The following ST18 variants were observed in gnomAD, a reference collection of about 807,000 sequenced individuals.
The protein encoded by ST18 is suppression of tumorigenicity 18 protein.
ST18 carries 50 observed loss-of-function variants against 110.0 expected under a neutral mutation model. The ratio of observed to expected loss-of-function variants is 0.45; its 90% CI spans 0.36 to 0.58. ST18 has a LOEUF of 0.58. Among genes scored for constraint, ST18 ranks in the 20% least tolerant of loss-of-function variants. The pLI is 0.00. For synonymous variants in ST18, 461 were observed against 452.4 expected, an observed-to-expected ratio of 1.02 and a Z score of -0.24; for missense variants, 1,306 against 1,280.1, an observed-to-expected ratio of 1.02 and a Z score of -0.31.
At chr8:52,194,824 T>A (rs547505879) in intron 8 of ST18, 4 of 152,154 alleles carry the variant, frequency 2.6e-5, no homozygotes, top group Non-Finnish European at 5.9e-5. Context: ...AACTGATCAG[T>A]TCCAAAGTCT....
intron 8 of ST18, among the ~76,000 whole-genome samples, chr8:52,187,845 C>T (rs1304517448): frequency 6.6e-6 from 1 of 152,120 alleles, no homozygotes; most frequent in Non-Finnish European, 1.5e-5. Context: ...CATTTCTATA[C>T]CACATTTCTA....
At chr8:52,142,237 A>G (rs1459516714) in intron 17 of ST18, among the ~76,000 whole-genome samples, 4 of 152,134 alleles carry the variant, frequency 2.6e-5, no homozygotes, top group Non-Finnish European at 5.9e-5. Flanking sequence ...TGGAAAAGGA[A>G]GGGGAGACAG....
chr8:52,254,624 T>C (rs150242598), intron 2 of ST18, among the ~76,000 whole-genome samples: 11 of 152,260 alleles, frequency 7.2e-5, no homozygotes, highest in Non-Finnish European at 1.6e-4. Flanking sequence ...CCAGGGATGA[T>C]AACAATGGCT....
chr8:52,282,719 T>TGGGGTGAGTCATCGGG (rs1490012636), intron 2 of ST18, among the ~76,000 whole-genome samples: 38 of 151,988 alleles, frequency 2.5e-4, no homozygotes, highest in South Asian at 1.0e-3. Flanking sequence ...GCAGTGCCGC[T>TGGGGTGAGTCATCGGG]GGGGTGAGTC....
rs149682474 is a variant in ST18 at position 52,335,706 on chromosome 8, G to T, written c.-465+73622C>A. On this transcript the variant is annotated intron_variant, in intron 2 of 25. Transcript: ENST00000689386. ...GGATTTTGGAGGATTTCAGATTTCA[G>T]ATTTTTGCATTAGGGATGCTCAACC... Among the ~76,000 whole-genome samples the T allele has an allele frequency of 3.5e-3, 538 of 152,274 alleles. 2 individuals are homozygous for T. Among genetic ancestry groups the T allele is most frequent in the African/African-American group, 0.012 (507 of 41,560 alleles).
At chr8:52,384,929 G>A (rs1168736097) in intron 2 of ST18, among the ~76,000 whole-genome samples, 1 of 152,090 alleles carries the variant, frequency 6.6e-6, no homozygotes, top group African/African-American at 2.4e-5. Flanking sequence ...TACTGTTGGA[G>A]GATATGAAAG....
At chr8:52,221,330 G>C (rs574300278) in intron 4 of ST18, among the ~76,000 whole-genome samples, 1 of 152,126 alleles carries the variant, frequency 6.6e-6, no homozygotes, top group Non-Finnish European at 1.5e-5. Context: ...TCTTTTTAAC[G>C]AGACCATCAT....
At chr8:52,367,236 T>TCTCACACACACACACACACACA (rs1554851169) in intron 2 of ST18, among the ~76,000 whole-genome samples, 3 of 120,190 alleles carry the variant, frequency 2.5e-5, no homozygotes, top group African/African-American at 6.1e-5. Flanking sequence ...GGACCCTGTC[T>TCTCACACACACACACACACACA]CACACACACA....
In ST18 at chr8:52,247,975, C is replaced by T. The variant is rs550691762; in HGVS notation, c.-464-17898G>A. On this transcript the variant is annotated intron_variant, in intron 2 of 25. Coordinates refer to ENST00000689386, the MANE Select transcript of ST18 (RefSeq NM_001352837.2). Reference sequence around the variant, plus strand: ...CTTAGAGTTGGTAATATACAACATACATTACATTCTCTACAGACACACATA... The same window carrying T: ...CTTAGAGTTGGTAATATACAACATATATTACATTCTCTACAGACACACATA... 1.3e-3 allele frequency among the ~76,000 whole-genome samples: 201 copies of T among 152,214 alleles called. 3 individuals carry two copies. Among genetic ancestry groups the T allele is most frequent in the Non-Finnish European group, 1.9e-3 (129 of 68,008 alleles).
chr8:52,311,921 A>T (rs767598259), intron 2 of ST18, among the ~76,000 whole-genome samples: 2 of 152,174 alleles, frequency 1.3e-5, no homozygotes, highest in African/African-American at 2.4e-5. Context: ...AGAAATATGA[A>T]ACCACTGGAC....
intron 2 of ST18, among the ~76,000 whole-genome samples, chr8:52,362,022 T>G (rs547791978): frequency 1.6e-4 from 25 of 152,342 alleles, no homozygotes; most frequent in African/African-American, 5.8e-4. Context: ...GAACCTATAT[T>G]CTAGTTCAAA....
chr8:52,330,801 G>T (rs1255424943), intron 2 of ST18, among the ~76,000 whole-genome samples: 1 of 152,214 alleles, frequency 6.6e-6, no homozygotes, highest in Admixed American at 6.5e-5. Flanking sequence ...GGACAAGCTA[G>T]AAACGGGCTC....
At position 52,287,646 on chromosome 8, in the gene ST18, G is replaced by C. The variant is rs1201994180; in HGVS notation, c.-464-57569C>G. ...CTCAAGGCTATGCAGAGTGTAAACTGTGTGTACCAACAACCAAGTAACCCC... is the reference window on the plus strand; with the variant it reads ...CTCAAGGCTATGCAGAGTGTAAACTCTGTGTACCAACAACCAAGTAACCCC... On this transcript the variant is annotated intron_variant, in intron 2 of 25. Coordinates refer to ENST00000689386, the MANE Select transcript of ST18 (RefSeq NM_001352837.2). 3.3e-5 allele frequency among the ~76,000 whole-genome samples: 5 copies of C among 152,204 alleles called. No homozygotes were observed. The East Asian group carries it at 9.6e-4, about 29-fold the overall frequency.
At position 52,289,455 on chromosome 8, in the gene ST18, A is replaced by G. The variant is rs555441962; in HGVS notation, c.-464-59378T>C. 3.3e-5 allele frequency among the ~76,000 whole-genome samples: 5 copies of G among 152,234 alleles called. No homozygotes were observed. The South Asian group carries it at 1.0e-3, about 32-fold the overall frequency. ...GGGACAGATCAGGACTCTGTCTCAAAACAAAAAACAAAAAACAACAACAAC... is the reference window on the plus strand; with the variant it reads ...GGGACAGATCAGGACTCTGTCTCAAGACAAAAAACAAAAAACAACAACAAC... On this transcript the variant is annotated intron_variant, in intron 2 of 25. Coordinates refer to ENST00000689386, the MANE Select transcript of ST18 (RefSeq NM_001352837.2).
chr8:52,316,219 TA>T (rs1451764927), intron 2 of ST18, among the ~76,000 whole-genome samples: 1 of 152,222 alleles, frequency 6.6e-6, no homozygotes, highest in Non-Finnish European at 1.5e-5. Flanking sequence ...GAGAATGTCA[TA>T]ACATCATTGA....
intron 23 of ST18, among the ~76,000 whole-genome samples, chr8:52,123,827 T>G (rs986081541): frequency 6.6e-6 from 1 of 152,248 alleles, no homozygotes; most frequent in Non-Finnish European, 1.5e-5. Flanking sequence ...TCTATCATAA[T>G]TTGATGTAAT....
chr8:52,305,640 A>G (rs2095800075), intron 2 of ST18, among the ~76,000 whole-genome samples: 1 of 152,202 alleles, frequency 6.6e-6, no homozygotes, highest in Non-Finnish European at 1.5e-5. Context: ...CCATCCATCC[A>G]GATGCTGAGT....
At chr8:52,194,732 A>G (rs6473692) in intron 8 of ST18, 34,222 of 152,152 alleles carry the variant, frequency 0.22, 7,230 homozygotes, top group African/African-American at 0.56. Flanking sequence ...AGAAGAGACA[A>G]GAAGTAAGCC....
intron 2 of ST18, among the ~76,000 whole-genome samples, chr8:52,316,044 T>C (rs1468368717): frequency 6.6e-6 from 1 of 152,246 alleles, no homozygotes; most frequent in Non-Finnish European, 1.5e-5. Context: ...TGGTGTTTTG[T>C]ATTTTTAGGT....
Sources: gnomAD v4.1 joint callset for allele counts (sites outside exome capture counted in the v4.1 genomes callset) on GRCh38, gnomAD v4.1.1 for gene constraint, MANE v1.5 for transcripts, NCBI Gene and HGNC (gene_info 2026-07-23, HGNC 2026-07-21) for gene names.